Variants in PCOLCE2 observed in about 807,000 individuals in gnomAD.
PCOLCE2 encodes procollagen C-proteinase enhancer 2.
Under a neutral mutation model 47.0 loss-of-function variants are expected in PCOLCE2, and 42 were observed. The observed-to-expected ratio is 0.89, with a 90% CI of 0.70 to 1.16. PCOLCE2 has a LOEUF of 1.16. PCOLCE2 is among the 50% of genes most tolerant of loss of function. PCOLCE2 has a pLI of 0.00. For synonymous variants in PCOLCE2, 169 were observed against 191.7 expected (o/e 0.88, Z 0.98); for missense variants, 500 against 526.1 (o/e 0.95, Z 0.49).
At chr3:142,830,750 A>C (rs1463902882) in intron 5 of PCOLCE2, among the ~76,000 whole-genome samples, 1 of 152,238 alleles carries the variant, frequency 6.6e-6, no homozygotes, top group African/African-American at 2.4e-5. Flanking sequence ...TATTTACACA[A>C]TGGTTAAAAA....
At chr3:142,867,388 A>C (rs904808137) in intron 2 of PCOLCE2, among the ~76,000 whole-genome samples, 1 of 152,224 alleles carries the variant, frequency 6.6e-6, no homozygotes, top group African/African-American at 2.4e-5. Flanking sequence ...CAAGAGTTAA[A>C]AACTACTAAA....
At position 142,842,952 on chromosome 3, in the gene PCOLCE2, A is replaced by G. The variant is rs1414375928; in HGVS notation, c.545T>C (p.Val182Ala). Residue 182 changes from valine (V) to alanine (A), a missense_variant, in exon 4 of 9, where the codon GTG (valine) becomes GCG (alanine). Coordinates refer to ENST00000295992, the MANE Select transcript of PCOLCE2 (RefSeq NM_013363.4). This position sits in a 1 kb window ranked among gnomAD's most constrained non-coding sequence, Gnocchi z 4.1. ...ATTCTTTGGGGCTACAATGTGCCAC[A>G]CACAAGTGACTCCTGCAGGGTAATC... ...DRDYPAGVTC[V>A]WHIVAPKNQL... The G allele has an allele frequency of 6.2e-7, 1 of 1,614,104 alleles. No individual in the cohort carries two copies. Among genetic ancestry groups the G allele is most frequent in the South Asian group, 1.1e-5 (1 of 91,078 alleles).
intron 5 of PCOLCE2, among the ~76,000 whole-genome samples, chr3:142,835,753 C>T (rs186084454): frequency 2.6e-5 from 4 of 152,194 alleles, no homozygotes; most frequent in South Asian, 2.1e-4. Context: ...AGTGATCCTC[C>T]GCCTCAGCCT....
rs1415708063 is a variant in PCOLCE2, at chr3:142,827,781, T to G, written c.865+1911A>C. ...AAATCTTTTAGTCTGGGGACCCGTGTACCCCTACGCATGGCATATCCACTG... is the reference window on the plus strand; with the variant it reads ...AAATCTTTTAGTCTGGGGACCCGTGGACCCCTACGCATGGCATATCCACTG... On this transcript the variant is annotated intron_variant, in intron 6 of 8. Transcript: ENST00000295992. The G allele has an allele frequency of 1.1e-5, 7 of 626,190 alleles. No individual in the cohort carries two copies. The East Asian group carries it at 1.7e-4, about 15-fold the overall frequency. The allele number at this position is 626,190 out of a possible 1,614,324, so 38.8% of individuals were successfully genotyped here.
At chr3:142,821,564 C>A (rs1306167160) in intron 7 of PCOLCE2, among the ~76,000 whole-genome samples, 1 of 152,018 alleles carries the variant, frequency 6.6e-6, no homozygotes, top group African/African-American at 2.4e-5. Flanking sequence ...TTGTTCATTC[C>A]CTGGGTCCTC....
At chr3:142,878,098 A>C (rs1266219833) in intron 2 of PCOLCE2, among the ~76,000 whole-genome samples, 3 of 152,172 alleles carry the variant, frequency 2.0e-5, no homozygotes, top group Non-Finnish European at 4.4e-5. Flanking sequence ...GGTCCATGTA[A>C]CAGCCCATCT....
Position 142,818,337 on chromosome 3 carries a change from A to G in PCOLCE2, c.1246T>C (p.Ter416GlnextTer2). ...GCTTAAATGGACACAGTTCACTGTT[A>G]ACATTGCTTATTTTTTAAGGCATCC... The part of the protein sequence containing the change: ...LLDALKNKQC[*>Q] The change falls in exon 9 of 9, where the codon TAA becomes CAA. Residue 416 changes from the stop codon to glutamine (Q), a stop_lost. Coordinates refer to ENST00000295992, the MANE Select transcript of PCOLCE2 (RefSeq NM_013363.4). 6.2e-7 allele frequency: 1 copy of G among 1,613,346 alleles called. No individual in the cohort carries two copies. Among genetic ancestry groups the G allele is most frequent in the Non-Finnish European group, 8.5e-7 (1 of 1,179,424 alleles).
At chr3:142,846,673 C>G (rs970366396) in intron 3 of PCOLCE2, 2 of 152,172 alleles carry the variant, frequency 1.3e-5, no homozygotes, top group Admixed American at 6.6e-5. Context: ...TCTTTTTCCT[C>G]CTTTTTCTTC....
At chr3:142,821,915 TG>T (rs200349321) in intron 7 of PCOLCE2, among the ~76,000 whole-genome samples, 5 of 151,716 alleles carry the variant, frequency 3.3e-5, no homozygotes, top group East Asian at 1.9e-4. Flanking sequence ...AGTTTTTTTT[TG>T]TTGTTGTTGT....
intron 5 of PCOLCE2, among the ~76,000 whole-genome samples, chr3:142,835,272 C>T (rs1022478827): frequency 1.3e-5 from 2 of 152,078 alleles, no homozygotes; most frequent in African/African-American, 4.8e-5. Flanking sequence ...TACAAGTTTA[C>T]AAGTTTAAAA....
In PCOLCE2 at chr3:142,838,915, A is replaced by G. The variant is rs1285916106; in HGVS notation, c.574-9T>C. The G allele has an allele frequency of 6.2e-7, 1 of 1,602,846 alleles. No individual in the cohort carries two copies. The highest frequency in any genetic ancestry group is 1.3e-5 in the African/African-American group (1 of 74,720). On this transcript the variant is annotated splice_polypyrimidine_tract_variant and intron_variant, in intron 4 of 8. Transcript: ENST00000295992. ...AACTTTAATTCTATAAGCTTTAGAG[A>G]AAGCACAATAGAAGTGTCAAATATT...
At position 142,842,683 on chromosome 3, in the gene PCOLCE2, G is replaced by A. The variant is rs896414071; in HGVS notation, c.573+241C>T. The stretch of plus-strand genomic sequence containing the variant: ...GAACCCAGGAGGTGGAGGTTGCGGT[G>A]AGCTGAGATCGCACCATTGCACTCC... On this transcript the variant is annotated intron_variant, in intron 4 of 8. Coordinates refer to ENST00000295992, the MANE Select transcript of PCOLCE2 (RefSeq NM_013363.4). This position sits in a 1 kb window ranked among gnomAD's most constrained non-coding sequence, Gnocchi z 4.1. Among the ~76,000 whole-genome samples, 25 of 151,576 alleles carry A rather than the reference G, an allele frequency of 1.6e-4. No homozygotes were observed. The highest frequency in any genetic ancestry group is 2.8e-4 in the Non-Finnish European group (19 of 67,986).
chr3:142,832,622 T>C (rs1937163770), intron 5 of PCOLCE2, among the ~76,000 whole-genome samples: 1 of 152,178 alleles, frequency 6.6e-6, no homozygotes, highest in Non-Finnish European at 1.5e-5. Flanking sequence ...ACCCAGGACA[T>C]TCATTAGCCA....
intron 2 of PCOLCE2, among the ~76,000 whole-genome samples, chr3:142,862,584 A>C (rs963133841): frequency 3.3e-5 from 5 of 152,234 alleles, no homozygotes; most frequent in African/African-American, 1.2e-4. Flanking sequence ...GTTTCACGAG[A>C]AGCCACTGAG....
intron 2 of PCOLCE2, among the ~76,000 whole-genome samples, chr3:142,876,205 T>C (rs1933495053): frequency 6.6e-6 from 1 of 152,248 alleles, no homozygotes; most frequent in Non-Finnish European, 1.5e-5. Context: ...CTTCTCACTG[T>C]GTGCCCAGGA....
intron 2 of PCOLCE2, among the ~76,000 whole-genome samples, chr3:142,874,356 G>A (rs1202066115): frequency 1.3e-5 from 2 of 152,160 alleles, no homozygotes. Context: ...TTAAAGGCGT[G>A]AGCCACCGCA....
chr3:142,857,012 A>G (rs1034409233), intron 2 of PCOLCE2, among the ~76,000 whole-genome samples: 2 of 152,148 alleles, frequency 1.3e-5, no homozygotes, highest in Non-Finnish European at 2.9e-5. Flanking sequence ...AATTTCAGAA[A>G]CACTCTAGGC....
intron 2 of PCOLCE2, among the ~76,000 whole-genome samples, chr3:142,852,555 C>T (rs2707988): frequency 6.6e-6 from 1 of 151,460 alleles, no homozygotes; most frequent in Admixed American, 6.6e-5. Context: ...AATGAGATTT[C>T]CTTTGTCTTC....
chr3:142,820,471 T>G (rs1937000723), intron 8 of PCOLCE2, among the ~76,000 whole-genome samples: 1 of 152,210 alleles, frequency 6.6e-6, no homozygotes, highest in Non-Finnish European at 1.5e-5. Context: ...TAGTCCTATC[T>G]CTGCAAATGA....
Sources: gnomAD v4.1 joint callset for allele counts (sites outside exome capture counted in the v4.1 genomes callset) on GRCh38, gnomAD v4.1.1 for gene constraint, Gnocchi (gnomAD v3.1) non-coding constraint, MANE v1.5 for transcripts, NCBI Gene and HGNC (gene_info 2026-07-23, HGNC 2026-07-21) for gene names.